PATZ1: variants seen among roughly 807,000 people sequenced by gnomAD.
PATZ1 encodes POZ-, AT hook-, and zinc finger-containing protein 1.
Under a neutral mutation model 46.2 loss-of-function variants are expected in PATZ1, and 9 were observed. The ratio of observed to expected loss-of-function variants is 0.19; its 90% CI spans 0.12 to 0.34. PATZ1 has a LOEUF of 0.34. Among genes scored for constraint, PATZ1 ranks in the 10% least tolerant of loss-of-function variants. The pLI is 1.00. For synonymous variants in PATZ1, 426 were observed against 378.6 expected (o/e 1.13, Z -1.45); for missense variants, 632 against 923.0 (o/e 0.68, Z 4.08).
intron 1 of PATZ1, chr22:31,343,333 A>G: frequency 1.0e-6 from 1 of 1,002,090 alleles, no homozygotes. Context: ...GTCCAGACTA[A>G]AGCCCCTTAG....
At chr22:31,337,034 C>T (rs1462778396) in intron 2 of PATZ1, among the ~76,000 whole-genome samples, 5 of 147,838 alleles carry the variant, frequency 3.4e-5, no homozygotes, top group African/African-American at 1.3e-4. Flanking sequence ...GGCATAAACC[C>T]GGGAGGCAGA....
chr22:31,337,460 T>A (rs1284634622), intron 2 of PATZ1, among the ~76,000 whole-genome samples: 1 of 152,190 alleles, frequency 6.6e-6, no homozygotes, highest in Non-Finnish European at 1.5e-5. Context: ...CCTGACTTAG[T>A]ACCAGTGATC....
At chr22:31,341,234 T>G (rs1005002677) in intron 2 of PATZ1, 63 of 1,371,076 alleles carry the variant, frequency 4.6e-5, no homozygotes, top group Middle Eastern at 2.8e-4. Flanking sequence ...AAGGTGCTCC[T>G]TGCTACCCCC....
At chr22:31,341,390 C>A in intron 2 of PATZ1, 1 of 1,531,532 alleles carries the variant, frequency 6.5e-7, no homozygotes. Flanking sequence ...TCAACCCTCT[C>A]CAGGGAGGCC....
intron 2 of PATZ1, among the ~76,000 whole-genome samples, chr22:31,336,741 G>T (rs1319404446): frequency 6.7e-6 from 1 of 149,512 alleles, no homozygotes; most frequent in South Asian, 2.1e-4. Context: ...GGGAGGTAGA[G>T]GTTGCAGTGA....
chr22:31,331,309 A>G (rs928420970), intron 3 of PATZ1, among the ~76,000 whole-genome samples: 1 of 152,016 alleles, frequency 6.6e-6, no homozygotes, highest in Non-Finnish European at 1.5e-5. Context: ...ACTTTCTGAT[A>G]ATATGATGAT....
Position 31,328,710 on chromosome 22 carries a change from C to G in PATZ1, c.1645+77G>C, listed in dbSNP as rs2049398623. The G allele has an allele frequency of 7.1e-7, 1 of 1,403,340 alleles. No individual in the cohort carries two copies. Among genetic ancestry groups the G allele is most frequent in the Admixed American group, 1.7e-5 (1 of 59,144 alleles). The allele number at this position is 1,403,340 out of a possible 1,614,324, so 86.9% of individuals were successfully genotyped here. On this transcript the variant is annotated intron_variant, in intron 4 of 4. Coordinates refer to ENST00000266269, the MANE Select transcript of PATZ1 (RefSeq NM_014323.3). This position sits in a 1 kb window ranked among gnomAD's most constrained non-coding sequence, Gnocchi z 4.8. ...AGCCAGAAAGCCGGCAGCCTTCCCG[C>G]CTCCCCACGCCCAGCCCAGCGCCCC... is the stretch of plus-strand genomic sequence containing the variant.
chr22:31,343,353 A>C (rs575399142), intron 1 of PATZ1: 2 of 990,832 alleles, frequency 2.0e-6, no homozygotes, highest in South Asian at 9.1e-5. Flanking sequence ...GAAACTCAGC[A>C]ATCCCCTCCC....
chr22:31,341,567 G>C, intron 2 of PATZ1: 1 of 1,614,136 alleles, frequency 6.2e-7, no homozygotes, highest in East Asian at 2.2e-5. Context: ...GGGAAAAGGC[G>C]GTGTCAGGAA....
At chr22:31,330,425 G>A (rs933795034) in intron 3 of PATZ1, among the ~76,000 whole-genome samples, 8 of 152,156 alleles carry the variant, frequency 5.3e-5, no homozygotes, top group Non-Finnish European at 7.3e-5. Flanking sequence ...TTAGCTGGGC[G>A]TGGTAGCAGG....
intron 2 of PATZ1, 120 bp downstream of exon 2, chr22:31,342,777 G>A (rs1226342333): frequency 2.1e-6 from 2 of 957,810 alleles, no homozygotes; most frequent in Admixed American, 2.0e-5. Flanking sequence ...CAGAGGGGAG[G>A]TGTGCAAAGC....
Position 31,345,789 on chromosome 22 carries a change from G to A in PATZ1, c.-187C>T, listed in dbSNP as rs914149187. 9 of 562,196 alleles carry A rather than the reference G, an allele frequency of 1.6e-5. No individual in the cohort carries two copies. The highest frequency in any genetic ancestry group is 1.4e-4 in the African/African-American group (7 of 50,882). The allele number at this position is 562,196 out of a possible 1,614,324, so 34.8% of individuals were successfully genotyped here. On this transcript the variant is annotated 5_prime_UTR_variant, in exon 1 of 5. Coordinates refer to ENST00000266269, the MANE Select transcript of PATZ1 (RefSeq NM_014323.3). This position sits in a 1 kb window ranked among gnomAD's most constrained non-coding sequence, Gnocchi z 7.4. ...CCCGGATCAGACTGTCTAGACTGCG[G>A]GGTGCACCACCCCCCACATAGCCAA...
At chr22:31,335,470 T>A in intron 3 of PATZ1, 1 of 524,812 alleles carries the variant, frequency 1.9e-6, no homozygotes, top group Non-Finnish European at 3.4e-6. Context: ...TGTTTTGACC[T>A]GCTGGTCTCC....
Position 31,344,318 on chromosome 22 carries a change from G to A in PATZ1, c.1271+14C>T, listed in dbSNP as rs1217246350. The A allele has an allele frequency of 6.3e-7, 1 of 1,576,952 alleles. No individual in the cohort carries two copies. The highest frequency in any genetic ancestry group is 1.8e-5 in the Admixed American group (1 of 55,194). On this transcript the variant is annotated intron_variant, in intron 1 of 4. Transcript: ENST00000266269. ...TAACGTGTGGCAGGGGAGGAAGAGG[G>A]GGCCTTTCCTCACCTGGAGAAGCCT...
rs145209441 is a variant in PATZ1, at chr22:31,343,823, T to C, written c.1271+509A>G. The stretch of plus-strand genomic sequence containing the variant: ...TCTGGGTGACCAGCTCTGTGTCCCA[T>C]GATCCCAGGGTGGTGTGAGAGGCAC... On this transcript the variant is annotated intron_variant, in intron 1 of 4. Coordinates refer to ENST00000266269, the MANE Select transcript of PATZ1 (RefSeq NM_014323.3). 9.3e-3 allele frequency among the ~76,000 whole-genome samples: 1,420 copies of C among 152,346 alleles called. 8 individuals carry two copies. The highest frequency in any genetic ancestry group is 0.024 in the Middle Eastern group (7 of 294).
rs139262876 is a variant in PATZ1 at position 31,342,810 on chromosome 22, C to T, written c.1335+87G>A. On this transcript the variant is annotated intron_variant, in intron 2 of 4. Coordinates refer to ENST00000266269, the MANE Select transcript of PATZ1 (RefSeq NM_014323.3). The stretch of plus-strand genomic sequence containing the variant: ...AGCGGTGGGCGGTCAGCCGGGCCCC[C>T]GGCACACGCAGCGGCTGGCTCAAGG... 6.6e-5 allele frequency: 97 copies of T among 1,464,228 alleles called. 1 individual carries two copies. The East Asian group carries it at 1.7e-3, about 26-fold the overall frequency. The allele number at this position is 1,464,228 out of a possible 1,614,324, so 90.7% of individuals were successfully genotyped here.
Position 31,342,898 on chromosome 22 carries a change from T to C in PATZ1, c.1334A>G (p.Gln445Arg). ...TCTCTGCCCTGACCCAGCCCCTACC[T>C]GACACTTGTGAGGCCGCTCAGAAGT... The part of the protein sequence containing the change: ...VHTSERPHKC[Q>R]TCNASFATRD... Residue 445 changes from glutamine (Q) to arginine (R), a missense_variant and splice_region_variant, in exon 2 of 5, where the codon CAG becomes CGG. Coordinates refer to ENST00000266269, the MANE Select transcript of PATZ1 (RefSeq NM_014323.3). The C allele has an allele frequency of 6.2e-7, 1 of 1,613,948 alleles. No homozygotes were observed. The highest frequency in any genetic ancestry group is 8.5e-7 in the Non-Finnish European group (1 of 1,179,846).
chr22:31,332,192 T>C (rs1214587263), intron 3 of PATZ1, among the ~76,000 whole-genome samples: 1 of 152,138 alleles, frequency 6.6e-6, no homozygotes, highest in Non-Finnish European at 1.5e-5. Context: ...GTACTATCTA[T>C]AGCAAAACCA....
At chr22:31,343,908 G>A (rs1387110695) in intron 1 of PATZ1, among the ~76,000 whole-genome samples, 1 of 152,206 alleles carries the variant, frequency 6.6e-6, no homozygotes, top group African/African-American at 2.4e-5. Flanking sequence ...GGTGCCTCAA[G>A]AGTGTAGGGA....
Sources: gnomAD v4.1 joint callset for allele counts (sites outside exome capture counted in the v4.1 genomes callset) on GRCh38, gnomAD v4.1.1 for gene constraint, Gnocchi (gnomAD v3.1) non-coding constraint, MANE v1.5 for transcripts, NCBI Gene and HGNC (gene_info 2026-07-23, HGNC 2026-07-21) for gene names.